The following FGFR4 variants were observed in gnomAD, a reference collection of about 807,000 sequenced individuals.
FGFR4 encodes fibroblast growth factor receptor 4.
Under a neutral mutation model 89.9 loss-of-function variants are expected in FGFR4, and 63 were observed. That is an observed-to-expected ratio of 0.70 (90% CI 0.57 to 0.86). The LOEUF is 0.86. Ranked by LOEUF, FGFR4 falls within the 40% of genes least tolerant of loss-of-function variation. FGFR4 has a pLI of 0.00. For synonymous variants in FGFR4, 486 were observed against 479.4 expected (o/e 1.01, Z -0.18); for missense variants, 928 against 1,106.7 (o/e 0.84, Z 2.29).
intron 16 of FGFR4, 62 bp from the exon 17 acceptor site, chr5:177,097,230 G>C: frequency 2.2e-6 from 3 of 1,362,250 alleles, no homozygotes; most frequent in Non-Finnish European, 3.0e-6. Flanking sequence ...GAGAACCCCC[G>C]GTCCTCCCCT....
rs1341682468 is a variant in FGFR4 at position 177,095,185 on chromosome 5, CTT to C, written c.1520-141_1520-140del. The C allele has an allele frequency of 1.6e-5, 11 of 693,076 alleles. No homozygotes were observed. In the East Asian group the frequency reaches 2.5e-4, roughly 15 times the overall value. 42.9% of individuals were successfully genotyped at this position (693,076 alleles called of 1,614,324 possible). On this transcript the variant is annotated intron_variant, in intron 11 of 17. Transcript: ENST00000292408. The surrounding 1 kb of genome is among the most constrained non-coding windows in gnomAD (Gnocchi z 5.7). Reference sequence around the variant, plus strand: ...CCTGAGGTTCAGAGACGCTAGGAGACTTTTTCAAGGCCACACAGCCTAGCAAG... The same window carrying C: ...CCTGAGGTTCAGAGACGCTAGGAGACTTTCAAGGCCACACAGCCTAGCAAG...
chr5:177,093,390 G>A lies in FGFR4; in HGVS notation c.1252-16G>A. 1 of 1,613,814 alleles carries A rather than the reference G, an allele frequency of 6.2e-7. No homozygotes were observed. Among genetic ancestry groups the A allele is most frequent in the South Asian group, 1.1e-5 (1 of 91,058 alleles). On this transcript the variant is annotated splice_polypyrimidine_tract_variant and intron_variant, in intron 9 of 17. Coordinates refer to ENST00000292408, the MANE Select transcript of FGFR4 (RefSeq NM_213647.3). The surrounding 1 kb of genome is among the most constrained non-coding windows in gnomAD (Gnocchi z 5.8). ...GCCTGACTCCAGCAGGCAGAACCAA[G>A]TCTCCCACTTTGCAGTTCTCCCTGG...
rs955680763 is a variant in FGFR4, at chr5:177,097,537, T to C, written c.2270T>C (p.Leu757Pro). ...LLAVSEEYLD[L>P]RLTFGPYSPS... is the part of the protein sequence containing the mutation. ...CTCCGTTCCCCACAGTACCTCGACC[T>C]CCGCCTGACCTTCGGACCCTATTCC... Residue 757 changes from leucine to proline, a missense_variant, in exon 18 of 18, where the codon CTC (leucine) becomes CCC (proline). Transcript: ENST00000292408. 4 of 1,613,310 alleles carry C rather than the reference T, an allele frequency of 2.5e-6. No homozygotes were observed. Among genetic ancestry groups the C allele is most frequent in the Non-Finnish European group, 3.4e-6 (4 of 1,179,702 alleles).
chr5:177,097,933 C>A lies in FGFR4; in HGVS notation c.*257C>A. 2.3e-6 allele frequency: 1 copy of A among 426,186 alleles called. No homozygotes were observed. Among genetic ancestry groups the A allele is most frequent in the East Asian group, 3.5e-5 (1 of 28,334 alleles). The allele number at this position is 426,186 out of a possible 1,614,324, so 26.4% of individuals were successfully genotyped here. On this transcript the variant is annotated 3_prime_UTR_variant, in exon 18 of 18. Coordinates refer to ENST00000292408, the MANE Select transcript of FGFR4 (RefSeq NM_213647.3). ...GGTTTGGCTGAGCCTGGCTGGAGAGCTGCTATGCTAAACCTCCTGCCTCCC... is the reference window on the plus strand; with the variant it reads ...GGTTTGGCTGAGCCTGGCTGGAGAGATGCTATGCTAAACCTCCTGCCTCCC...
rs1784667251 is a variant in FGFR4 at position 177,097,828 on chromosome 5, C to A, written c.*152C>A. On this transcript the variant is annotated 3_prime_UTR_variant, in exon 18 of 18. Transcript: ENST00000292408. ...AAGGGCCGTGCCCTTGCCCTTGGAG[C>A]TGCCGTGCCTGTGTCCTGATGGCCC... The A allele has an allele frequency of 1.1e-6, 1 of 915,208 alleles. No individual in the cohort carries two copies. Among genetic ancestry groups the A allele is most frequent in the Admixed American group, 3.0e-5 (1 of 33,698 alleles). The allele number at this position is 915,208 out of a possible 1,614,324, so 56.7% of individuals were successfully genotyped here.
chr5:177,091,909 G>A, intron 6 of FGFR4, 101 bp downstream of exon 6: 2 of 1,500,596 alleles, frequency 1.3e-6, no homozygotes, highest in Admixed American at 1.8e-5. Flanking sequence ...ACTCAGATGA[G>A]TCAGGCAGCT....
Position 177,097,286 on chromosome 5 carries a change from T to G in FGFR4, c.2154-6T>G, listed in dbSNP as rs1277262051. On this transcript the variant is annotated splice_polypyrimidine_tract_variant and splice_region_variant and intron_variant, in intron 16 of 17. Transcript: ENST00000292408. ...TCCCTGTGACCCTCCGCCCCACCTCTCGCAGGTACGGGCTGATGCGTGAGT... is the reference window on the plus strand; with the variant it reads ...TCCCTGTGACCCTCCGCCCCACCTCGCGCAGGTACGGGCTGATGCGTGAGT... The G allele has an allele frequency of 6.3e-7, 1 of 1,590,532 alleles. No homozygotes were observed.
Position 177,091,959 on chromosome 5 carries a change from G to A in FGFR4, c.727+151G>A, listed in dbSNP as rs554686442. ...GTCAGGGGAAAGCACAGGGGTTAGT[G>A]TGGGGCTGGAGGAGCAGAGGTCTGC... On this transcript the variant is annotated intron_variant, in intron 6 of 17. Coordinates refer to ENST00000292408, the MANE Select transcript of FGFR4 (RefSeq NM_213647.3). The A allele has an allele frequency of 3.8e-6, 4 of 1,056,712 alleles. No homozygotes were observed. In the African/African-American group the frequency reaches 4.7e-5, roughly 13 times the overall value. 65.5% of individuals were successfully genotyped at this position (1,056,712 alleles called of 1,614,324 possible).
At chr5:177,088,815 C>T (rs2431499) in intron 1 of FGFR4, among the ~76,000 whole-genome samples, 2 of 151,586 alleles carry the variant, frequency 1.3e-5, no homozygotes, top group Middle Eastern at 3.2e-3. Context: ...CAACACTCTG[C>T]GTGCCGACGC....
Position 177,091,701 on chromosome 5 carries a change from G to A in FGFR4, c.620G>A (p.Trp207Ter). 1.2e-6 allele frequency: 2 copies of A among 1,614,222 alleles called. No homozygotes were observed. Among genetic ancestry groups the A allele is most frequent in the Non-Finnish European group, 1.7e-6 (2 of 1,180,040 alleles). ...TGCCTGCAGCTGCGCCATCAGCACT[G>A]GAGTCTCGTGATGGAGAGCGTGGTG... ...IGGIRLRHQH[W>*]SLVMESVVPS... The change falls in exon 6 of 18, where the codon TGG (tryptophan) becomes TAG (stop). Residue 207 changes from tryptophan to a stop codon, truncating the protein, a stop_gained. Transcript: ENST00000292408. LOFTEE classifies it high-confidence loss of function.
At position 177,095,635 on chromosome 5, in the gene FGFR4, G is replaced by A. The variant is rs777552586; in HGVS notation, c.1733G>A (p.Arg578Gln). 1.2e-5 allele frequency: 19 copies of A among 1,606,040 alleles called. No homozygotes were observed. The highest frequency in any genetic ancestry group is 4.5e-5 in the East Asian group (2 of 44,612). The change falls in exon 13 of 18, where the codon CGG becomes CAG. Residue 578 changes from arginine (R) to glutamine (Q), a missense_variant. By Grantham distance (43) the Arg-to-Gln change is conservative (BLOSUM62 1). Around this residue, in one of 5 missense-constraint regions of FGFR4, gnomAD observed 741 missense variants for 836.9 expected, o/e 0.89. Transcript: ENST00000292408. This position sits in a 1 kb window ranked among gnomAD's most constrained non-coding sequence, Gnocchi z 5.7. ...CCCGACCTCAGCCCCGACGGTCCTC[G>A]GAGCAGTGAGGGGCCGCTCTCCTTC... ...PGPDLSPDGP[R>Q]SSEGPLSFPV...
intron 8 of FGFR4, 131 bp downstream of exon 8, chr5:177,092,915 G>C (rs2149734638): frequency 1.4e-6 from 2 of 1,471,970 alleles, no homozygotes; most frequent in Non-Finnish European, 1.9e-6. Context: ...GTGGATTTGT[G>C]GGTTTGAGCT....
Position 177,096,824 on chromosome 5 carries a change from C to T in FGFR4, c.2153+83C>T, listed in dbSNP as rs113262579. The stretch of plus-strand genomic sequence containing the variant: ...ACCATGGCCTCAGGGTGTGTCCCGG[C>T]CAGAAGGACAACACTAACAACAACT... On this transcript the variant is annotated intron_variant, in intron 16 of 17. Coordinates refer to ENST00000292408, the MANE Select transcript of FGFR4 (RefSeq NM_213647.3). 66 of 1,505,410 alleles carry T rather than the reference C, an allele frequency of 4.4e-5. No homozygotes were observed. In the Admixed American group the frequency reaches 1.2e-3, roughly 28 times the overall value. 93.3% of individuals were successfully genotyped at this position (1,505,410 alleles called of 1,614,324 possible). A position where few individuals can be genotyped will look rare whatever the true frequency, so the allele number is the denominator to read the frequency against.
In FGFR4 at chr5:177,095,439, AG is replaced by A; in HGVS notation, c.1630+1del. ...INLLGVCTQE[G>X]PLYVIVECAA... ...ACCTGCTTGGTGTCTGCACCCAGGA[AG>A]GTGGGGCCGAGGCGGGGCTGGCTGC... On this transcript the variant is annotated frameshift_variant and splice_region_variant, in exon 12 of 18. Coordinates refer to ENST00000292408, the MANE Select transcript of FGFR4 (RefSeq NM_213647.3). LOFTEE classifies it high-confidence loss of function. This position sits in a 1 kb window ranked among gnomAD's most constrained non-coding sequence, Gnocchi z 5.7. 1 of 1,614,138 alleles carries A rather than the reference AG, an allele frequency of 6.2e-7. No homozygotes were observed. The highest frequency in any genetic ancestry group is 1.1e-5 in the South Asian group (1 of 91,084).
Position 177,096,622 on chromosome 5 carries a change from G to A in FGFR4, c.2034G>A (p.Leu678=). 1 of 1,613,654 alleles carries A rather than the reference G, an allele frequency of 6.2e-7. No homozygotes were observed. The highest frequency in any genetic ancestry group is 8.5e-7 in the Non-Finnish European group (1 of 1,179,822). The stretch of plus-strand genomic sequence containing the variant: ...CCTCCAGGTGGTCTTTTGGGATCCT[G>A]CTATGGGAGATCTTCACCCTCGGGG... ...HQSDVWSFGI[L]LWEIFTLGGS... is the part of the protein sequence containing the mutation. Residue 678 remains leucine (L), a synonymous_variant, in exon 16 of 18, where the codon CTG becomes CTA. Coordinates refer to ENST00000292408, the MANE Select transcript of FGFR4 (RefSeq NM_213647.3).
At position 177,090,397 on chromosome 5, in the gene FGFR4, C is replaced by T. The variant is rs1359204737; in HGVS notation, c.99C>T (p.Cys33=). ...TCTGCCCTCTGCCCACAGAGCCCTGCCTGGCTCCCAGCCTGGAGCAGCAAG... is the reference window on the plus strand; with the variant it reads ...TCTGCCCTCTGCCCACAGAGCCCTGTCTGGCTCCCAGCCTGGAGCAGCAAG... ...EASEEVELEP[C]LAPSLEQQEQ... The change falls in exon 3 of 18, where the codon TGC becomes TGT. Residue 33 remains cysteine (C), a synonymous_variant. Coordinates refer to ENST00000292408, the MANE Select transcript of FGFR4 (RefSeq NM_213647.3). 4 of 1,601,798 alleles carry T rather than the reference C, an allele frequency of 2.5e-6. No homozygotes were observed. The highest frequency in any genetic ancestry group is 3.4e-6 in the Non-Finnish European group (4 of 1,179,906).
rs749134978 is a variant in FGFR4, at chr5:177,093,586, G to A, written c.1397+35G>A. Reference sequence around the variant, plus strand: ...GCTGTGTGGGGGCAGGGACGCGGGCGCCGGGTTGCAGCCCGCCCTCCGCAG... The same window carrying A: ...GCTGTGTGGGGGCAGGGACGCGGGCACCGGGTTGCAGCCCGCCCTCCGCAG... On this transcript the variant is annotated intron_variant, in intron 10 of 17. Transcript: ENST00000292408. This position sits in a 1 kb window ranked among gnomAD's most constrained non-coding sequence, Gnocchi z 5.8. 2.9e-5 allele frequency: 46 copies of A among 1,612,068 alleles called. No homozygotes were observed. Among genetic ancestry groups the A allele is most frequent in the African/African-American group, 1.1e-4 (8 of 74,904 alleles).
intron 5 of FGFR4, among the ~76,000 whole-genome samples, 184 bp from the exon 6 acceptor site, chr5:177,091,501 C>T (rs1054696254): frequency 2.0e-4 from 30 of 152,212 alleles, no homozygotes; most frequent in African/African-American, 6.8e-4. Context: ...GGCTCAAACC[C>T]AAGGCTCAAG....
At position 177,093,323 on chromosome 5, in the gene FGFR4, G is replaced by T. The variant is rs769601840; in HGVS notation, c.1243G>T (p.Ala415Ser). Reference protein sequence around the residue: ...TVQKLSRFPLARQFSLESGSS... With the variant: ...TVQKLSRFPLSRQFSLESGSS... Reference sequence around the variant, plus strand: ...GCAGAAGCTCTCCCGCTTCCCTCTGGCCCGACAGGTACTGGGCGCATCCCC... The same window carrying T: ...GCAGAAGCTCTCCCGCTTCCCTCTGTCCCGACAGGTACTGGGCGCATCCCC... The change falls in exon 9 of 18, where the codon GCC becomes TCC. Residue 415 changes from alanine to serine, a missense_variant. Transcript: ENST00000292408. The surrounding 1 kb of genome is among the most constrained non-coding windows in gnomAD (Gnocchi z 5.8). 2.5e-6 allele frequency: 4 copies of T among 1,613,800 alleles called. No individual in the cohort carries two copies. Among genetic ancestry groups the T allele is most frequent in the Non-Finnish European group, 3.4e-6 (4 of 1,179,866 alleles).
Sources: allele counts gnomAD v4.1 joint callset (sites outside exome capture counted in the v4.1 genomes callset), GRCh38; gene constraint gnomAD v4.1.1; regional missense constraint gnomAD v4.1.1; non-coding constraint Gnocchi (gnomAD v3.1); transcripts MANE v1.5; gene names NCBI Gene and HGNC (gene_info 2026-07-23, HGNC 2026-07-21).